The following AGBL4 variants were observed in gnomAD, a reference collection of about 807,000 sequenced individuals.
AGBL4 encodes the protein cytosolic carboxypeptidase 6.
In AGBL4, 58 loss-of-function variants were observed where a neutral mutation model predicts 66.4. The observed-to-expected ratio is 0.87, with a 90% confidence interval of 0.71 to 1.09. The LOEUF is 1.09. Among genes scored for constraint, AGBL4 ranks in the 50% least tolerant of loss-of-function variants. The pLI is 0.00. For synonymous variants in AGBL4, 234 were observed against 222.9 expected (o/e 1.05, Z -0.44); for missense variants, 579 against 631.0 (o/e 0.92, Z 0.88).
intron 7 of AGBL4, among the ~76,000 whole-genome samples, chr1:48,658,863 G>A (rs1022282322): frequency 2.0e-5 from 3 of 152,044 alleles, no homozygotes; most frequent in African/African-American, 7.2e-5. Context: ...GTGTGTGTGT[G>A]TGTGTGTGTA....
At chr1:49,119,778 G>C (rs1037871893) in intron 4 of AGBL4, among the ~76,000 whole-genome samples, 2 of 152,102 alleles carry the variant, frequency 1.3e-5, no homozygotes, top group Non-Finnish European at 2.9e-5. Context: ...TTGTTGTGCA[G>C]TGTTAAAGTC....
intron 9 of AGBL4, among the ~76,000 whole-genome samples, chr1:48,603,767 C>A (rs1382301883): frequency 6.6e-6 from 1 of 152,078 alleles, no homozygotes; most frequent in South Asian, 2.1e-4. Flanking sequence ...TGTTATAATC[C>A]AAGTGAGAAC....
At chr1:49,067,654 A>G (rs1259942039) in intron 4 of AGBL4, among the ~76,000 whole-genome samples, 6 of 151,942 alleles carry the variant, frequency 3.9e-5, no homozygotes, top group Non-Finnish European at 8.8e-5. Context: ...ACTCTCTCTC[A>G]ATCCCTTTTA....
At chr1:48,587,621 A>ATTTATTTTAT (rs148361572) in intron 10 of AGBL4, among the ~76,000 whole-genome samples, 41 of 148,436 alleles carry the variant, frequency 2.8e-4, no homozygotes, top group African/African-American at 9.7e-4. Context: ...TTATTATTTT[A>ATTTATTTTAT]TTTATTTTAT....
chr1:49,486,098 G>A (rs1261669913), intron 3 of AGBL4, among the ~76,000 whole-genome samples: 1 of 151,908 alleles, frequency 6.6e-6, no homozygotes. Flanking sequence ...TCTGTGGAGT[G>A]AGTCCCACCT....
intron 3 of AGBL4, among the ~76,000 whole-genome samples, chr1:49,437,983 G>A (rs951240730): frequency 1.3e-5 from 2 of 152,050 alleles, no homozygotes; most frequent in Non-Finnish European, 2.9e-5. Flanking sequence ...AAATAAACCA[G>A]GTACTACTTT....
At chr1:48,567,867 G>A (rs1644501110) in intron 11 of AGBL4, among the ~76,000 whole-genome samples, 1 of 152,106 alleles carries the variant, frequency 6.6e-6, no homozygotes, top group Admixed American at 6.5e-5. Context: ...AAAGGTGAGG[G>A]GCTTCCTTCT....
chr1:49,286,053 T>A (rs1258690734), intron 3 of AGBL4, among the ~76,000 whole-genome samples: 1 of 152,170 alleles, frequency 6.6e-6, no homozygotes, highest in Non-Finnish European at 1.5e-5. Flanking sequence ...CAAGGCTGGT[T>A]CAATATACAC....
At chr1:49,023,642 T>C (rs544736531) in intron 5 of AGBL4, among the ~76,000 whole-genome samples, 11 of 152,184 alleles carry the variant, frequency 7.2e-5, no homozygotes, top group Non-Finnish European at 1.6e-4. Flanking sequence ...CATTGCAAAG[T>C]TGTATTTATT....
At chr1:49,983,228 G>A (rs564415497) in intron 1 of AGBL4, among the ~76,000 whole-genome samples, 3 of 152,368 alleles carry the variant, frequency 2.0e-5, no homozygotes, top group African/African-American at 7.2e-5. Flanking sequence ...CCCAGACTTA[G>A]GAGCTCTCCA....
chr1:48,798,241 A>AT (rs1171399827), intron 6 of AGBL4, among the ~76,000 whole-genome samples: 3 of 151,964 alleles, frequency 2.0e-5, no homozygotes, highest in Admixed American at 6.6e-5. Flanking sequence ...GATGTTGAGC[A>AT]TTTTTTCATG....
At chr1:49,075,539 T>C (rs953161190) in intron 4 of AGBL4, among the ~76,000 whole-genome samples, 3 of 152,186 alleles carry the variant, frequency 2.0e-5, no homozygotes, top group African/African-American at 7.2e-5. Context: ...AGTATATACA[T>C]TAAATGTTTT....
At chr1:48,749,426 A>G (rs572561112) in intron 6 of AGBL4, among the ~76,000 whole-genome samples, 1 of 152,160 alleles carries the variant, frequency 6.6e-6, no homozygotes, top group Non-Finnish European at 1.5e-5. Flanking sequence ...TGGTCCTACA[A>G]AATCGATCTT....
intron 3 of AGBL4, among the ~76,000 whole-genome samples, chr1:49,525,216 A>G (rs1223933629): frequency 1.3e-5 from 2 of 152,116 alleles, no homozygotes; most frequent in South Asian, 2.1e-4. Flanking sequence ...ATTGGAGGAT[A>G]CAAATAATAA....
chr1:48,828,041 C>CAG (rs1407274124), intron 6 of AGBL4, among the ~76,000 whole-genome samples: 1 of 141,264 alleles, frequency 7.1e-6, no homozygotes, highest in African/African-American at 2.8e-5. Context: ...CACACACACA[C>CAG]ACAAATTAGC....
chr1:48,595,288 T>C (rs990297979), intron 9 of AGBL4, among the ~76,000 whole-genome samples: 14 of 152,218 alleles, frequency 9.2e-5, no homozygotes, highest in African/African-American at 3.1e-4. Flanking sequence ...CTGATTTTTT[T>C]CAATCCACAG....
At chr1:49,756,063 T>A (rs1641370359) in intron 2 of AGBL4, among the ~76,000 whole-genome samples, 1 of 152,184 alleles carries the variant, frequency 6.6e-6, no homozygotes, top group Non-Finnish European at 1.5e-5. Flanking sequence ...TCTTTTATAC[T>A]CAGTACTCTT....
At position 48,568,524 on chromosome 1, in the gene AGBL4, C is replaced by G. The variant is rs1644511214; in HGVS notation, c.1267+18480G>C. Among the ~76,000 whole-genome samples, 4 of 152,226 alleles carry G rather than the reference C, an allele frequency of 2.6e-5. No homozygotes were observed. In the South Asian group the frequency reaches 8.3e-4, roughly 32 times the overall value. On this transcript the variant is annotated intron_variant, in intron 11 of 13. Coordinates refer to ENST00000371839, the MANE Select transcript of AGBL4 (RefSeq NM_032785.4). ...GTGGCAAGTGCCAGCCCAAACCACA[C>G]AGGCACATGGAAGGCCTCCATCTGA... is the stretch of plus-strand genomic sequence containing the variant.
chr1:49,023,413 G>A (rs889747638), intron 5 of AGBL4, among the ~76,000 whole-genome samples: 1 of 152,184 alleles, frequency 6.6e-6, no homozygotes, highest in Non-Finnish European at 1.5e-5. Flanking sequence ...TGTGAATTGA[G>A]TGAGTCCCTT....
Sources: allele counts gnomAD v4.1 joint callset (sites outside exome capture counted in the v4.1 genomes callset), GRCh38; gene constraint gnomAD v4.1.1; transcripts MANE v1.5; gene names NCBI Gene and HGNC (gene_info 2026-07-23, HGNC 2026-07-21).